ELOVL6: variants seen among roughly 807,000 people sequenced by gnomAD.
The protein encoded by ELOVL6 is ELOVL fatty acid elongase 6, also known as very long chain fatty acid elongase 6.
ELOVL6 carries 8 observed loss-of-function variants against 31.7 expected under a neutral mutation model. That is an observed-to-expected ratio of 0.25 (90% CI 0.15 to 0.45). The LOEUF (loss-of-function observed/expected upper bound fraction) is 0.45. Ranked by LOEUF, ELOVL6 falls within the 20% of genes least tolerant of loss-of-function variation. ELOVL6 has a pLI of 1.00. For synonymous variants in ELOVL6, 101 were observed against 117.7 expected, an observed-to-expected ratio of 0.86 and a Z score of 0.92; for missense variants, 126 against 326.4, an observed-to-expected ratio of 0.39 and a Z score of 4.73.
At chr4:110,196,372 G>C (rs1267460521) in intron 1 of ELOVL6, among the ~76,000 whole-genome samples, 2 of 152,198 alleles carry the variant, frequency 1.3e-5, no homozygotes, top group Non-Finnish European at 2.9e-5. Flanking sequence ...AGAAGACCCG[G>C]GCCCGGGGCT....
chr4:110,099,290 T>G (rs941703086), intron 2 of ELOVL6, among the ~76,000 whole-genome samples: 1 of 151,874 alleles, frequency 6.6e-6, no homozygotes, highest in Non-Finnish European at 1.5e-5. Context: ...TGTGCTATAT[T>G]TAAGCACTTT....
chr4:110,161,883 A>G (rs1758639969), intron 1 of ELOVL6, among the ~76,000 whole-genome samples: 1 of 152,200 alleles, frequency 6.6e-6, no homozygotes, highest in East Asian at 1.9e-4. Flanking sequence ...CCTAAGTGCA[A>G]GGGTTCCATA....
intron 2 of ELOVL6, among the ~76,000 whole-genome samples, chr4:110,065,583 C>T (rs1755277192): frequency 6.6e-6 from 1 of 152,158 alleles, no homozygotes. Flanking sequence ...ATAATTGTGC[C>T]ACTGCACTCC....
chr4:110,197,689 G>A (rs1759850844), intron 1 of ELOVL6, among the ~76,000 whole-genome samples: 1 of 152,096 alleles, frequency 6.6e-6, no homozygotes, highest in African/African-American at 2.4e-5. Context: ...TCCGCCTGAG[G>A]AGCGGCAGAC....
At chr4:110,069,478 ACT>A (rs1241244055) in intron 2 of ELOVL6, among the ~76,000 whole-genome samples, 1 of 151,846 alleles carries the variant, frequency 6.6e-6, no homozygotes, top group Non-Finnish European at 1.5e-5. Flanking sequence ...CCAGTACTTG[ACT>A]CTGTGCGAGC....
In ELOVL6 at chr4:110,110,585, G is replaced by C. The variant is rs1757008106; in HGVS notation, c.90-4957C>G. Reference sequence around the variant, plus strand: ...ATTCTTTTAATTTTTTTGCAGAAATGGGATCCCAGTATGCTGGCCAGACTG... The same window carrying C: ...ATTCTTTTAATTTTTTTGCAGAAATCGGATCCCAGTATGCTGGCCAGACTG... On this transcript the variant is annotated intron_variant, in intron 1 of 3. Transcript: ENST00000302274. Among the ~76,000 whole-genome samples, 5 of 151,744 alleles carry C rather than the reference G, an allele frequency of 3.3e-5. No homozygotes were observed. The South Asian group carries it at 1.0e-3, about 32-fold the overall frequency.
chr4:110,195,570 G>A (rs1442080052), intron 1 of ELOVL6, among the ~76,000 whole-genome samples: 1 of 152,082 alleles, frequency 6.6e-6, no homozygotes, highest in Non-Finnish European at 1.5e-5. Flanking sequence ...GACAATTAGG[G>A]TCAGGAAGAG....
intron 1 of ELOVL6, among the ~76,000 whole-genome samples, chr4:110,170,833 C>G (rs573065654): frequency 9.2e-5 from 14 of 152,260 alleles, no homozygotes; most frequent in African/African-American, 3.4e-4. Flanking sequence ...GCTCCTGGCT[C>G]GCAACTCCCA....
At chr4:110,057,853 GGAAAAAA>G (rs1177542950) in intron 3 of ELOVL6, among the ~76,000 whole-genome samples, 3 of 90,924 alleles carry the variant, frequency 3.3e-5, no homozygotes, top group East Asian at 3.8e-4. Context: ...TCTGTCTCAG[GGAAAAAA>G]AAAAAAAAAA....
intron 1 of ELOVL6, among the ~76,000 whole-genome samples, chr4:110,133,141 A>G (rs550464583): frequency 1.3e-5 from 2 of 152,286 alleles, no homozygotes; most frequent in African/African-American, 4.8e-5. Flanking sequence ...CACATTCAAG[A>G]GGAAAGAAGA....
intron 1 of ELOVL6, among the ~76,000 whole-genome samples, chr4:110,115,325 C>A (rs553773095): frequency 6.6e-6 from 1 of 152,222 alleles, no homozygotes; most frequent in African/African-American, 2.4e-5. Flanking sequence ...TGAGAAAAAA[C>A]TGGCAGTAAT....
intron 1 of ELOVL6, among the ~76,000 whole-genome samples, chr4:110,149,764 A>C (rs895048634): frequency 6.6e-6 from 1 of 152,200 alleles, no homozygotes; most frequent in Non-Finnish European, 1.5e-5. Flanking sequence ...ATAAATATAT[A>C]TCTCTTCCTA....
intron 1 of ELOVL6, among the ~76,000 whole-genome samples, chr4:110,175,671 A>C (rs1390325547): frequency 6.6e-6 from 1 of 152,224 alleles, no homozygotes; most frequent in Non-Finnish European, 1.5e-5. Flanking sequence ...AAGGTTACAA[A>C]GCTGAACAAG....
chr4:110,083,653 G>A (rs910536633), intron 2 of ELOVL6, among the ~76,000 whole-genome samples: 3 of 151,558 alleles, frequency 2.0e-5, no homozygotes, highest in African/African-American at 7.3e-5. Context: ...AGGCTGCTGT[G>A]TGGTGAAAGG....
intron 1 of ELOVL6, among the ~76,000 whole-genome samples, chr4:110,128,206 A>G (rs1161524191): frequency 6.6e-6 from 1 of 152,200 alleles, no homozygotes; most frequent in African/African-American, 2.4e-5. Flanking sequence ...AGCCAGAGGC[A>G]TGAGAGAGAA....
chr4:110,155,020 CT>C (rs1758375412), intron 1 of ELOVL6, among the ~76,000 whole-genome samples: 1 of 152,134 alleles, frequency 6.6e-6, no homozygotes, highest in Admixed American at 6.6e-5. Context: ...ACGTTAGGCA[CT>C]TAATATATGC....
intron 2 of ELOVL6, among the ~76,000 whole-genome samples, chr4:110,096,490 T>C (rs1040726719): frequency 1.3e-5 from 2 of 152,204 alleles, no homozygotes; most frequent in African/African-American, 4.8e-5. Flanking sequence ...GTAGCTTATG[T>C]CATATAACTC....
intron 1 of ELOVL6, among the ~76,000 whole-genome samples, chr4:110,141,411 C>A (rs1173264983): frequency 6.6e-6 from 1 of 152,016 alleles, no homozygotes. Context: ...CCTTTGGCCC[C>A]ATACATCTGA....
chr4:110,196,615 G>T (rs955719732), intron 1 of ELOVL6, among the ~76,000 whole-genome samples: 1 of 152,218 alleles, frequency 6.6e-6, no homozygotes, highest in African/African-American at 2.4e-5. Flanking sequence ...GGCCCGGGAG[G>T]GCACCAGCCC....
Sources: allele counts gnomAD v4.1 joint callset (sites outside exome capture counted in the v4.1 genomes callset), GRCh38; gene constraint gnomAD v4.1.1; transcripts MANE v1.5; gene names NCBI Gene and HGNC (gene_info 2026-07-23, HGNC 2026-07-21).